ENTHD1: variants seen among roughly 807,000 people sequenced by gnomAD.
The protein encoded by ENTHD1 is ENTH domain-containing protein 1.
In ENTHD1, 23 loss-of-function variants were observed where a neutral mutation model predicts 39.1. The observed-to-expected ratio is 0.59, with a 90% CI of 0.42 to 0.83. The LOEUF is 0.83. Ranked by LOEUF, ENTHD1 falls within the 40% of genes least tolerant of loss-of-function variation. The pLI is 0.00. For missense variants in ENTHD1, 624 were observed against 705.4 expected (o/e 0.88, Z 1.31); for synonymous variants, 230 against 258.2 (o/e 0.89, Z 1.05).
chr22:39,800,810 C>T (rs1248783949), intron 5 of ENTHD1, among the ~76,000 whole-genome samples: 1 of 152,226 alleles, frequency 6.6e-6, no homozygotes, highest in Non-Finnish European at 1.5e-5. Context: ...TATCTTTCAT[C>T]CAGAATCTAG....
At chr22:39,814,295 C>CAAAAAAAAAAAA (rs77915572) in intron 5 of ENTHD1, among the ~76,000 whole-genome samples, 51 of 97,660 alleles carry the variant, frequency 5.2e-4, no homozygotes, top group African/African-American at 8.4e-4. Flanking sequence ...CCCATCTCTA[C>CAAAAAAAAAAAA]AAAAAAAAAA....
chr22:39,788,341 T>C (rs994938835), intron 5 of ENTHD1, among the ~76,000 whole-genome samples: 7 of 152,208 alleles, frequency 4.6e-5, no homozygotes, highest in Non-Finnish European at 1.0e-4. Context: ...TGGATGACTT[T>C]GAGGGGCTCA....
intron 5 of ENTHD1, among the ~76,000 whole-genome samples, chr22:39,814,796 A>C (rs1306093502): frequency 1.3e-5 from 2 of 152,238 alleles, no homozygotes; most frequent in Non-Finnish European, 2.9e-5. Context: ...GCAAACTATA[A>C]GAAAATGTTA....
Position 39,867,848 on chromosome 22 carries a change from C to A in ENTHD1, c.350-5841G>T, listed in dbSNP as rs1178257918. ...ACAGTAAGTTCATGCTTCAAAGTAT[C>A]CCCCTGTTCTATTCCAAATACACAG... is the stretch of plus-strand genomic sequence containing the variant. On this transcript the variant is annotated intron_variant, in intron 2 of 6. Transcript: ENST00000325157. This position sits in a 1 kb window ranked among gnomAD's most constrained non-coding sequence, Gnocchi z 4.5. Among the ~76,000 whole-genome samples the A allele has an allele frequency of 6.6e-6, 1 of 152,080 alleles. No homozygotes were observed. Among genetic ancestry groups the A allele is most frequent in the Non-Finnish European group, 1.5e-5 (1 of 68,008 alleles).
chr22:39,883,755 T>C (rs1032212832), intron 2 of ENTHD1, among the ~76,000 whole-genome samples: 2 of 149,622 alleles, frequency 1.3e-5, no homozygotes, highest in African/African-American at 4.9e-5. Context: ...CTCGGGAGGC[T>C]GAGGCAGGAG....
At chr22:39,766,019 C>CAAAA (rs11367784) in intron 5 of ENTHD1, among the ~76,000 whole-genome samples, 1,106 of 48,468 alleles carry the variant, frequency 0.023, 7 homozygotes, top group South Asian at 0.03. Context: ...CCCTCAGCTA[C>CAAAA]AAAAAAAAAA....
intron 5 of ENTHD1, among the ~76,000 whole-genome samples, chr22:39,780,098 G>A (rs112240895): frequency 4.6e-4 from 70 of 152,320 alleles, no homozygotes; most frequent in African/African-American, 1.6e-3. Flanking sequence ...TGGGGGCTGT[G>A]TGTGGTGGCT....
intron 6 of ENTHD1, among the ~76,000 whole-genome samples, chr22:39,748,041 G>C (rs376473209): frequency 5.3e-5 from 8 of 152,216 alleles, no homozygotes; most frequent in Admixed American, 3.3e-4. Context: ...TTGGGCCCAG[G>C]AATTTGAGAA....
chr22:39,856,565 G>A (rs553276686), intron 3 of ENTHD1, among the ~76,000 whole-genome samples: 6 of 152,082 alleles, frequency 3.9e-5, no homozygotes, highest in Non-Finnish European at 7.4e-5. Context: ...TTCACTGTTC[G>A]CTTTAAATGG....
At chr22:39,834,573 T>A (rs1569160208) in intron 4 of ENTHD1, among the ~76,000 whole-genome samples, 1 of 152,146 alleles carries the variant, frequency 6.6e-6, no homozygotes, top group Non-Finnish European at 1.5e-5. Context: ...GAAAATAGTT[T>A]GACTATTTTT....
At chr22:39,846,231 T>G (rs1039644962) in intron 3 of ENTHD1, among the ~76,000 whole-genome samples, 1 of 152,192 alleles carries the variant, frequency 6.6e-6, no homozygotes, top group Admixed American at 6.5e-5. Context: ...GACAGGGTCT[T>G]GGTCTGTCAC....
At chr22:39,803,211 G>A (rs545395329) in intron 5 of ENTHD1, among the ~76,000 whole-genome samples, 101 of 152,008 alleles carry the variant, frequency 6.6e-4, no homozygotes, top group Admixed American at 1.2e-3. Context: ...CGTTTGCTAC[G>A]TTCTAGCCAC....
At chr22:39,798,706 G>A (rs1460802734) in intron 5 of ENTHD1, among the ~76,000 whole-genome samples, 1 of 152,184 alleles carries the variant, frequency 6.6e-6, no homozygotes, top group East Asian at 1.9e-4. Context: ...GTCCAAACAG[G>A]CCTATTCTTG....
chr22:39,885,123 A>G (rs2066369472), intron 2 of ENTHD1, among the ~76,000 whole-genome samples: 1 of 152,236 alleles, frequency 6.6e-6, no homozygotes, highest in African/African-American at 2.4e-5. Context: ...TCTTGTATCC[A>G]GAATATATAA....
At chr22:39,834,831 G>A (rs1170984374) in intron 4 of ENTHD1, among the ~76,000 whole-genome samples, 2 of 152,134 alleles carry the variant, frequency 1.3e-5, no homozygotes, top group Admixed American at 6.5e-5. Flanking sequence ...CAACCTGTCG[G>A]CCCCCCAGGA....
chr22:39,876,407 C>A (rs554705290), intron 2 of ENTHD1, among the ~76,000 whole-genome samples: 5 of 151,062 alleles, frequency 3.3e-5, no homozygotes, highest in African/African-American at 1.2e-4. Flanking sequence ...CTTGTGAAAT[C>A]TGTAACTGAC....
At chr22:39,859,481 G>A (rs765965452) in intron 3 of ENTHD1, among the ~76,000 whole-genome samples, 8 of 152,130 alleles carry the variant, frequency 5.3e-5, no homozygotes, top group South Asian at 2.1e-4. Context: ...AGAAACCTGC[G>A]ACTCTTCCTT....
At chr22:39,791,171 T>TTA (rs565160198) in intron 5 of ENTHD1, among the ~76,000 whole-genome samples, 33 of 147,414 alleles carry the variant, frequency 2.2e-4, no homozygotes, top group Non-Finnish European at 2.7e-4. Flanking sequence ...GTTATATATA[T>TTA]TATATATATA....
chr22:39,787,132 C>T (rs899789122), intron 5 of ENTHD1, among the ~76,000 whole-genome samples: 9 of 152,074 alleles, frequency 5.9e-5, no homozygotes, highest in Non-Finnish European at 1.2e-4. Context: ...GATCAGTGAC[C>T]TTAGATTCCT....
Sources: gnomAD v4.1 joint callset for allele counts (sites outside exome capture counted in the v4.1 genomes callset) on GRCh38, gnomAD v4.1.1 for gene constraint, Gnocchi (gnomAD v3.1) non-coding constraint, MANE v1.5 for transcripts, NCBI Gene and HGNC (gene_info 2026-07-23, HGNC 2026-07-21) for gene names.